The following CYRIB variants were observed in gnomAD, a reference collection of about 807,000 sequenced individuals.
CYRIB encodes CYFIP related Rac1 interactor B, also known as CYFIP-related Rac1 interactor B.
In CYRIB, 8 loss-of-function variants were observed where a neutral mutation model predicts 44.2. The observed-to-expected ratio is 0.18, with a 90% CI of 0.11 to 0.33. CYRIB has a LOEUF of 0.33. Among genes scored for constraint, CYRIB ranks in the 10% least tolerant of loss-of-function variants. The pLI is 1.00. For synonymous variants in CYRIB, 131 were observed against 127.2 expected, an observed-to-expected ratio of 1.03 and a Z score of -0.20; for missense variants, 185 against 382.8, an observed-to-expected ratio of 0.48 and a Z score of 4.31.
chr8:129,987,835 G>C (rs575575642), intron 1 of CYRIB, among the ~76,000 whole-genome samples: 1 of 152,130 alleles, frequency 6.6e-6, no homozygotes, highest in South Asian at 2.1e-4. Context: ...GCTTCCCAAA[G>C]TGCTGGGATT....
intron 3 of CYRIB, among the ~76,000 whole-genome samples, chr8:129,874,245 C>T (rs2058374826): frequency 6.6e-6 from 1 of 151,894 alleles, no homozygotes; most frequent in Non-Finnish European, 1.5e-5. Context: ...ATATTCATTA[C>T]TCATCAAGCT....
At chr8:129,899,778 A>T (rs770760961) in intron 2 of CYRIB, among the ~76,000 whole-genome samples, 1 of 152,250 alleles carries the variant, frequency 6.6e-6, no homozygotes, top group Non-Finnish European at 1.5e-5. Flanking sequence ...TACAAAGATC[A>T]ATAACAAGGG....
chr8:129,874,641 G>A (rs1346919981), intron 3 of CYRIB, among the ~76,000 whole-genome samples: 2 of 152,068 alleles, frequency 1.3e-5, no homozygotes, highest in Non-Finnish European at 2.9e-5. Context: ...GAATGAATGA[G>A]AGGGTACAGA....
chr8:129,937,153 A>G (rs765258050), intron 1 of CYRIB, among the ~76,000 whole-genome samples: 57 of 152,260 alleles, frequency 3.7e-4, no homozygotes, highest in Non-Finnish European at 3.8e-4. Context: ...TGTTCAAAAT[A>G]TAATTATTGA....
intron 2 of CYRIB, chr8:129,948,585 A>C (rs1012645964): frequency 1.3e-5 from 2 of 152,230 alleles, no homozygotes; most frequent in African/African-American, 4.8e-5. Flanking sequence ...CACCTGAAGG[A>C]AGGGACAAGA....
chr8:129,842,459 C>T (rs1046196872), intron 11 of CYRIB, among the ~76,000 whole-genome samples: 4 of 152,166 alleles, frequency 2.6e-5, no homozygotes, highest in Non-Finnish European at 4.4e-5. Flanking sequence ...TGGTTGACCT[C>T]TCAAGTAAAC....
intron 1 of CYRIB, among the ~76,000 whole-genome samples, chr8:129,984,626 A>C (rs1016837174): frequency 6.6e-6 from 1 of 152,100 alleles, no homozygotes; most frequent in African/African-American, 2.4e-5. Flanking sequence ...CCTCTTACAG[A>C]AAACAGGCAG....
intron 1 of CYRIB, among the ~76,000 whole-genome samples, chr8:130,009,568 C>G (rs1210095208): frequency 2.6e-5 from 4 of 151,866 alleles, no homozygotes; most frequent in Non-Finnish European, 5.9e-5. Context: ...GCGCCCGGCC[C>G]AAAAGCATCA....
chr8:129,974,888 T>A (rs1407305485), intron 1 of CYRIB, among the ~76,000 whole-genome samples: 1 of 101,816 alleles, frequency 9.8e-6, no homozygotes, highest in East Asian at 2.5e-4. Flanking sequence ...ACCCAGATAA[T>A]TTTTTTTTTT....
chr8:129,933,634 T>C (rs1307117071), intron 1 of CYRIB, among the ~76,000 whole-genome samples: 2 of 152,110 alleles, frequency 1.3e-5, no homozygotes, highest in South Asian at 2.1e-4. Context: ...TCCCAGCACT[T>C]TGGGAGGCCG....
chr8:129,934,142 C>T (rs1410492535), intron 1 of CYRIB, among the ~76,000 whole-genome samples: 2 of 152,150 alleles, frequency 1.3e-5, no homozygotes, highest in South Asian at 2.1e-4. Flanking sequence ...GTTTTGAACG[C>T]TTTACCTCCC....
intron 1 of CYRIB, chr8:130,008,562 C>T (rs1050981910): frequency 2.6e-5 from 4 of 154,146 alleles, no homozygotes; most frequent in Admixed American, 2.0e-4. Flanking sequence ...CGGGGCCTAG[C>T]ACACAGGAGG....
At chr8:129,975,257 C>T (rs1427651084) in intron 1 of CYRIB, among the ~76,000 whole-genome samples, 1 of 152,140 alleles carries the variant, frequency 6.6e-6, no homozygotes, top group Non-Finnish European at 1.5e-5. Context: ...CTCAAGCGAT[C>T]CTCCCGCCTC....
At chr8:129,905,650 T>C (rs2074942197) in intron 1 of CYRIB, among the ~76,000 whole-genome samples, 1 of 152,172 alleles carries the variant, frequency 6.6e-6, no homozygotes, top group Non-Finnish European at 1.5e-5. Flanking sequence ...TAAAACTTCC[T>C]TCCCTAAGGC....
At chr8:130,010,235 T>G (rs1375178880) in intron 1 of CYRIB, among the ~76,000 whole-genome samples, 2 of 152,196 alleles carry the variant, frequency 1.3e-5, no homozygotes, top group South Asian at 2.1e-4. Flanking sequence ...TGAACGAAGG[T>G]CAAGGGCAGA....
At chr8:129,961,823 A>G (rs2095270704) in intron 2 of CYRIB, among the ~76,000 whole-genome samples, 1 of 152,240 alleles carries the variant, frequency 6.6e-6, no homozygotes, top group Admixed American at 6.5e-5. Flanking sequence ...AGGCAATGCA[A>G]GGGGCTTCTG....
chr8:129,884,336 T>C (rs761009149), intron 2 of CYRIB, among the ~76,000 whole-genome samples: 1 of 152,198 alleles, frequency 6.6e-6, no homozygotes, highest in Non-Finnish European at 1.5e-5. Context: ...TTGCCCAGAC[T>C]GGAGTGCAAT....
At chr8:129,919,868 C>T (rs955819022) in intron 1 of CYRIB, among the ~76,000 whole-genome samples, 4 of 152,048 alleles carry the variant, frequency 2.6e-5, no homozygotes, top group African/African-American at 9.7e-5. Context: ...TAAACTGAGA[C>T]TGAGACAACT....
intron 1 of CYRIB, among the ~76,000 whole-genome samples, chr8:129,932,094 G>A (rs2091648353): frequency 6.7e-6 from 1 of 149,862 alleles, no homozygotes; most frequent in Admixed American, 6.6e-5. Flanking sequence ...CACCTCCCAG[G>A]TTCAAGCGAT....
Sources: allele counts gnomAD v4.1 joint callset (sites outside exome capture counted in the v4.1 genomes callset), GRCh38; gene constraint gnomAD v4.1.1; transcripts MANE v1.5; gene names NCBI Gene and HGNC (gene_info 2026-07-23, HGNC 2026-07-21).